The following SKIC3 variants were observed in gnomAD, a reference collection of about 807,000 sequenced individuals.
SKIC3 encodes SKI3 subunit of superkiller complex.
chr5:95,524,809 A>G, the SKIC3 span, among the ~76,000 whole-genome samples: 1 of 152,338 alleles, frequency 6.6e-6, no homozygotes, highest in South Asian at 2.1e-4. Context: ...GCCTTTTAGC[A>G]CTACCATGTG....
At chr5:95,552,310 C>T in the SKIC3 span, among the ~76,000 whole-genome samples, 2,130 of 152,276 alleles carry the variant, frequency 0.014, 43 homozygotes, top group African/African-American at 0.047. Context: ...CTCCTCCAAA[C>T]CTCCAAACTG....
chr5:95,542,827 A>G, the SKIC3 span, among the ~76,000 whole-genome samples: 5 of 152,354 alleles, frequency 3.3e-5, no homozygotes, highest in Non-Finnish European at 5.9e-5. Context: ...TAACATTTTT[A>G]TATTATTTTA....
the SKIC3 span, chr5:95,517,047 C>G: frequency 6.2e-7 from 1 of 1,613,650 alleles, no homozygotes; most frequent in South Asian, 1.1e-5. Flanking sequence ...AGTTTTAATG[C>G]ACGACCATAA....
the SKIC3 span, among the ~76,000 whole-genome samples, chr5:95,490,120 T>C: frequency 6.6e-6 from 1 of 152,234 alleles, no homozygotes; most frequent in East Asian, 1.9e-4. Flanking sequence ...AATTTATAGA[T>C]TTACAAAACA....
the SKIC3 span, among the ~76,000 whole-genome samples, chr5:95,547,945 C>T: frequency 5.9e-5 from 9 of 152,076 alleles, no homozygotes; most frequent in South Asian, 1.9e-3. Flanking sequence ...AATGTTTAAA[C>T]TTGAATGGAA....
chr5:95,494,988 A>G, the SKIC3 span: 26 of 1,613,858 alleles, frequency 1.6e-5, no homozygotes, highest in South Asian at 2.9e-4. Flanking sequence ...AGTCCAGAAT[A>G]TGAGCCACAT....
chr5:95,524,374 TAA>T, the SKIC3 span: 1 of 1,545,348 alleles, frequency 6.5e-7, no homozygotes, highest in Non-Finnish European at 8.8e-7. Context: ...AACAGTTCAG[TAA>T]AGAGTAATTG....
the SKIC3 span, among the ~76,000 whole-genome samples, chr5:95,531,306 A>T: frequency 1.3e-5 from 2 of 152,246 alleles, no homozygotes; most frequent in Admixed American, 6.5e-5. Flanking sequence ...AAAAGAATTA[A>T]TAATGGCTAA....
chr5:95,468,276 C>A, the SKIC3 span, among the ~76,000 whole-genome samples: 1 of 151,994 alleles, frequency 6.6e-6, no homozygotes, highest in African/African-American at 2.4e-5. Context: ...GTAAATTATT[C>A]CAAGTTATCC....
chr5:95,535,771 T>G, the SKIC3 span, among the ~76,000 whole-genome samples: 1 of 152,206 alleles, frequency 6.6e-6, no homozygotes, highest in Non-Finnish European at 1.5e-5. Flanking sequence ...CAACCCTTTT[T>G]TCACTATGAC....
chr5:95,506,692 C>T, the SKIC3 span, among the ~76,000 whole-genome samples: 1 of 152,314 alleles, frequency 6.6e-6, no homozygotes, highest in South Asian at 2.1e-4. Flanking sequence ...CACTACCTCT[C>T]TTCCAAATGT....
At chr5:95,464,407 ATT>A in the SKIC3 span, 162 of 443,350 alleles carry the variant, frequency 3.7e-4, no homozygotes, top group Middle Eastern at 3.0e-3. Context: ...CCCAAATTAA[ATT>A]TTTTTTTTTT....
the SKIC3 span, chr5:95,482,653 G>A: frequency 1.2e-6 from 2 of 1,613,210 alleles, no homozygotes; most frequent in South Asian, 2.2e-5. Flanking sequence ...ATCCCAAAGA[G>A]GAACACATCA....
the SKIC3 span, among the ~76,000 whole-genome samples, chr5:95,515,790 C>T: frequency 6.6e-6 from 1 of 152,106 alleles, no homozygotes; most frequent in African/African-American, 2.4e-5. Context: ...ACAGTTCAGA[C>T]ATGGTATTAC....
chr5:95,498,195 T>C, the SKIC3 span, among the ~76,000 whole-genome samples: 2 of 152,178 alleles, frequency 1.3e-5, no homozygotes, highest in East Asian at 1.9e-4. Flanking sequence ...ACAATCCTTA[T>C]AGGTAAAATA....
chr5:95,482,730 G>C, the SKIC3 span: 1 of 1,308,394 alleles, frequency 7.6e-7, no homozygotes, highest in Non-Finnish European at 1.1e-6. Flanking sequence ...AATTCTGAAG[G>C]TTTATACCTT....
At chr5:95,516,912 A>G in the SKIC3 span, 2 of 1,586,770 alleles carry the variant, frequency 1.3e-6, no homozygotes, top group South Asian at 1.1e-5. Context: ...TATTTATACC[A>G]TACATGTAAA....
the SKIC3 span, among the ~76,000 whole-genome samples, chr5:95,506,776 T>C: frequency 1.4e-3 from 212 of 152,296 alleles, no homozygotes; most frequent in African/African-American, 5.0e-3. Flanking sequence ...GTTACCATTA[T>C]AGGTATAGGA....
the SKIC3 span, among the ~76,000 whole-genome samples, chr5:95,511,906 C>A: frequency 6.6e-6 from 1 of 152,128 alleles, no homozygotes; most frequent in Non-Finnish European, 1.5e-5. Context: ...TTAAAAAAGA[C>A]GGAATTATTA....
Sources: allele counts gnomAD v4.1 joint callset (sites outside exome capture counted in the v4.1 genomes callset), GRCh38; gene constraint gnomAD v4.1.1; transcripts MANE v1.5; gene names NCBI Gene and HGNC (gene_info 2026-07-23, HGNC 2026-07-21).